GALNT14: variants seen among roughly 807,000 people sequenced by gnomAD.
GALNT14 encodes the protein UDP-GalNAc:polypeptide N-acetylgalactosaminyltransferase 14.
Under a neutral mutation model 77.5 loss-of-function variants are expected in GALNT14, and 60 were observed. The ratio of observed to expected loss-of-function variants is 0.77; its 90% CI spans 0.63 to 0.96. The LOEUF (loss-of-function observed/expected upper bound fraction) is 0.96, where lower values mean the gene tolerates loss of function less well. Among genes scored for constraint, GALNT14 ranks in the 40% least tolerant of loss-of-function variants. GALNT14 has a pLI of 0.00. For missense variants in GALNT14, 710 were observed against 731.0 expected (o/e 0.97, Z 0.33); for synonymous variants, 280 against 281.7 (o/e 0.99, Z 0.06).
chr2:31,085,871 G>A (rs185053301), intron 1 of GALNT14, among the ~76,000 whole-genome samples: 359 of 152,296 alleles, frequency 2.4e-3, no homozygotes, highest in African/African-American at 8.3e-3. Flanking sequence ...ACATGGCTGG[G>A]GAGGCCTCAC....
At chr2:31,068,671 G>A (rs756266604) in intron 1 of GALNT14, among the ~76,000 whole-genome samples, 15 of 152,146 alleles carry the variant, frequency 9.9e-5, no homozygotes, top group African/African-American at 2.9e-4. Context: ...CCACTGCCCC[G>A]TGCAGACAGG....
intron 1 of GALNT14, among the ~76,000 whole-genome samples, chr2:31,091,103 G>A (rs1676715677): frequency 6.6e-6 from 1 of 152,104 alleles, no homozygotes. Context: ...ACTGGGGGAG[G>A]TAATCAGGAC....
At chr2:31,136,569 C>T (rs963490154) in intron 1 of GALNT14, among the ~76,000 whole-genome samples, 2 of 152,158 alleles carry the variant, frequency 1.3e-5, no homozygotes, top group African/African-American at 4.8e-5. Context: ...TCTCTCTACC[C>T]ATAGCACCTA....
intron 6 of GALNT14, 104 bp downstream of exon 6, chr2:30,955,514 C>T: frequency 1.4e-6 from 2 of 1,470,994 alleles, no homozygotes; most frequent in Non-Finnish European, 9.1e-7. Context: ...TTCTGCCCAC[C>T]TCCCAGAAGA....
At chr2:31,028,493 T>C (rs1459300310) in intron 1 of GALNT14, among the ~76,000 whole-genome samples, 1 of 152,210 alleles carries the variant, frequency 6.6e-6, no homozygotes, top group African/African-American at 2.4e-5. Flanking sequence ...CTCCACCAGG[T>C]CCGGTTAGCG....
the GALNT14 span, among the ~76,000 whole-genome samples, chr2:30,890,899 G>A: frequency 6.1e-4 from 93 of 152,220 alleles, no homozygotes; most frequent in Non-Finnish European, 8.1e-4. Context: ...AATGGTGGGT[G>A]AGGGGTCAGG....
At chr2:31,089,630 T>C (rs1168986182) in intron 1 of GALNT14, among the ~76,000 whole-genome samples, 4 of 152,170 alleles carry the variant, frequency 2.6e-5, no homozygotes, top group Non-Finnish European at 4.4e-5. Flanking sequence ...GCCGTGGACA[T>C]ACTGACATCT....
At chr2:30,925,499 C>A (rs1168079068) in intron 11 of GALNT14, among the ~76,000 whole-genome samples, 1 of 152,138 alleles carries the variant, frequency 6.6e-6, no homozygotes, top group African/African-American at 2.4e-5. Context: ...ATGCTGGTAT[C>A]TGGAAGGAAA....
chr2:30,978,909 G>A (rs911117135), intron 2 of GALNT14, among the ~76,000 whole-genome samples: 1 of 152,172 alleles, frequency 6.6e-6, no homozygotes, highest in Non-Finnish European at 1.5e-5. Flanking sequence ...GAGGATGGAG[G>A]GGCTGCCAAA....
rs1291657162 is a variant in GALNT14 at position 31,101,579 on chromosome 2, C to A, written c.129+36379G>T. Among the ~76,000 whole-genome samples, 4 of 151,922 alleles carry A rather than the reference C, an allele frequency of 2.6e-5. No individual in the cohort carries two copies. The South Asian group carries it at 8.3e-4, about 32-fold the overall frequency. On this transcript the variant is annotated intron_variant, in intron 1 of 14. Transcript: ENST00000349752. ...CTTGAAAAAAATCCACTTTTCAAAC[C>A]TATTTGCATAGAGCTGAACAAAGTA...
intron 1 of GALNT14, among the ~76,000 whole-genome samples, chr2:31,026,344 G>A (rs539253139): frequency 3.9e-5 from 6 of 152,298 alleles, no homozygotes; most frequent in South Asian, 2.1e-4. Flanking sequence ...GTCTTAGCAC[G>A]AGGATGCTCT....
At chr2:30,944,752 CT>C in intron 8 of GALNT14, 105 bp downstream of exon 8, 1 of 901,418 alleles carries the variant, frequency 1.1e-6, no homozygotes, top group Admixed American at 2.4e-5. Context: ...AAAGGGCTCC[CT>C]TTGTCTGCTT....
At chr2:30,938,110 T>C (rs1225255694) in intron 9 of GALNT14, among the ~76,000 whole-genome samples, 1 of 140,808 alleles carries the variant, frequency 7.1e-6, no homozygotes, top group East Asian at 2.4e-4. Context: ...CCTGACTACA[T>C]TCTGGGACAG....
intron 6 of GALNT14, among the ~76,000 whole-genome samples, chr2:30,950,054 TA>T: frequency 6.6e-6 from 1 of 152,302 alleles, no homozygotes; most frequent in South Asian, 2.1e-4. Context: ...TTTTCATCTA[TA>T]AAAGAAAGAC....
chr2:30,987,707 C>G (rs201004982), intron 2 of GALNT14, among the ~76,000 whole-genome samples: 2 of 81,956 alleles, frequency 2.4e-5, no homozygotes, highest in African/African-American at 4.4e-5. Flanking sequence ...CCTTCCTCCT[C>G]CCTCCCCCTC....
chr2:31,083,523 T>C lies in GALNT14; in HGVS notation c.129+54435A>G, dbSNP rs74873116. ...TGAGGAAGCAGGATCTGGCCGTGTC[T>C]GGGTTCACTGAGTTTCAGCTGAGCT... On this transcript the variant is annotated intron_variant, in intron 1 of 14. Transcript: ENST00000349752. Among the ~76,000 whole-genome samples, 708 of 152,288 alleles carry C rather than the reference T, an allele frequency of 4.6e-3. 5 individuals are homozygous for C. Among genetic ancestry groups the C allele is most frequent in the Middle Eastern group, 0.027 (8 of 294 alleles).
intron 1 of GALNT14, among the ~76,000 whole-genome samples, chr2:31,019,835 C>T (rs761672402): frequency 2.0e-5 from 3 of 152,058 alleles, no homozygotes; most frequent in Admixed American, 6.6e-5. Flanking sequence ...AGGGTCATTG[C>T]GGGAATTAAG....
chr2:30,944,975 C>A, intron 7 of GALNT14, 33 bp from the exon 8 acceptor site: 2 of 1,544,830 alleles, frequency 1.3e-6, no homozygotes, highest in Non-Finnish European at 1.8e-6. Flanking sequence ...CTGCTTTGGT[C>A]TCTCAAAAGC....
intron 1 of GALNT14, among the ~76,000 whole-genome samples, chr2:31,101,985 T>G (rs1009044600): frequency 6.6e-6 from 1 of 152,080 alleles, no homozygotes; most frequent in African/African-American, 2.4e-5. Context: ...CATGTTTGCT[T>G]CCCCTTCCCC....
Sources: allele counts gnomAD v4.1 joint callset (sites outside exome capture counted in the v4.1 genomes callset), GRCh38; gene constraint gnomAD v4.1.1; transcripts MANE v1.5; gene names NCBI Gene and HGNC (gene_info 2026-07-23, HGNC 2026-07-21).